The following NRP2 variants were observed in gnomAD, a reference collection of about 807,000 sequenced individuals.
NRP2 encodes neuropilin 2, also known as neuropilin-2.
Under a neutral mutation model 110.4 loss-of-function variants are expected in NRP2, and 52 were observed. The observed-to-expected ratio is 0.47, with a 90% CI of 0.38 to 0.59. NRP2 has a LOEUF of 0.59. Ranked by LOEUF, NRP2 falls within the 20% of genes least tolerant of loss-of-function variation. The pLI, the probability that NRP2 is intolerant of heterozygous loss-of-function variation, is 0.00. For synonymous variants in NRP2, 508 were observed against 468.9 expected (o/e 1.08, Z -1.08); for missense variants, 1,049 against 1,203.0 (o/e 0.87, Z 1.89).
intron 15 of NRP2, among the ~76,000 whole-genome samples, chr2:205,790,124 G>A (rs542229206): frequency 6.6e-6 from 1 of 152,174 alleles, no homozygotes; most frequent in African/African-American, 2.4e-5. Context: ...AGCCACTAAA[G>A]TGTTCTTCTT....
At chr2:205,704,246 C>T (rs2105757861) in intron 2 of NRP2, among the ~76,000 whole-genome samples, 1 of 152,292 alleles carries the variant, frequency 6.6e-6, no homozygotes, top group Admixed American at 6.5e-5. Flanking sequence ...GCCAGATTGC[C>T]CAGTTGGAGG....
intron 9 of NRP2, 138 bp from the exon 10 acceptor site, chr2:205,745,608 C>A: frequency 1.1e-6 from 1 of 895,410 alleles, no homozygotes; most frequent in Non-Finnish European, 1.8e-6. Flanking sequence ...TCAGAATGTC[C>A]CAGTGACCAG....
At chr2:205,765,284 C>T (rs757767231) in intron 13 of NRP2, among the ~76,000 whole-genome samples, 190 bp from the exon 14 acceptor site, 4 of 152,122 alleles carry the variant, frequency 2.6e-5, no homozygotes, top group Non-Finnish European at 5.9e-5. Flanking sequence ...TTTGAACAAA[C>T]TCATTTTGAA....
At chr2:205,762,106 T>G (rs1418343429) in intron 12 of NRP2, 3 of 152,244 alleles carry the variant, frequency 2.0e-5, no homozygotes, top group Non-Finnish European at 4.4e-5. Context: ...CTTTTAGTTA[T>G]CTGTGCTGAT....
At chr2:205,773,964 G>A (rs1281064164) in intron 15 of NRP2, among the ~76,000 whole-genome samples, 1 of 152,100 alleles carries the variant, frequency 6.6e-6, no homozygotes, top group Admixed American at 6.6e-5. Context: ...TTTCTTGATG[G>A]GTGAGCTGCA....
intron 8 of NRP2, among the ~76,000 whole-genome samples, chr2:205,741,129 G>T (rs771320120): frequency 1.3e-5 from 2 of 152,184 alleles, no homozygotes; most frequent in Non-Finnish European, 2.9e-5. Context: ...TGGTGCTGTG[G>T]ACACAAAGGT....
At chr2:205,770,677 A>G (rs535390238) in intron 15 of NRP2, among the ~76,000 whole-genome samples, 4 of 152,206 alleles carry the variant, frequency 2.6e-5, no homozygotes, top group Non-Finnish European at 5.9e-5. Context: ...GCTTTTGCAC[A>G]TAACCGTCTG....
intron 15 of NRP2, among the ~76,000 whole-genome samples, chr2:205,791,156 G>C (rs2058297234): frequency 6.6e-6 from 1 of 152,164 alleles, no homozygotes; most frequent in African/African-American, 2.4e-5. Flanking sequence ...AAGCTTTCGG[G>C]ATGGTCTAAA....
chr2:205,753,355 C>G (rs1026873210), intron 12 of NRP2, among the ~76,000 whole-genome samples: 33 of 152,220 alleles, frequency 2.2e-4, no homozygotes, highest in African/African-American at 8.0e-4. Flanking sequence ...GAGCTGGGTA[C>G]TGTTCCTAAA....
At chr2:205,783,495 G>C (rs2058200333) in intron 15 of NRP2, among the ~76,000 whole-genome samples, 1 of 152,254 alleles carries the variant, frequency 6.6e-6, no homozygotes, top group South Asian at 2.1e-4. Context: ...CCAGCAGCCA[G>C]AGGTAAACCT....
chr2:205,690,579 TACACACACACACACACACACACACAC>T (rs10591632), intron 1 of NRP2, among the ~76,000 whole-genome samples: 5 of 124,278 alleles, frequency 4.0e-5, no homozygotes, highest in South Asian at 3.1e-4. Flanking sequence ...CTGCTAAAAA[TACACACACACACACACACACACACAC>T]ACACACACAC....
In NRP2 at chr2:205,726,014, CA is replaced by C; in HGVS notation, c.925del (p.Ser309AlafsTer28). The C allele has an allele frequency of 6.2e-7, 1 of 1,614,208 alleles. No individual in the cohort carries two copies. Among genetic ancestry groups the C allele is most frequent in the Middle Eastern group, 1.6e-4 (1 of 6,062 alleles). On this transcript the variant is annotated frameshift_variant, in exon 6 of 17. Coordinates refer to ENST00000357785, the MANE Select transcript of NRP2 (RefSeq NM_003872.3). LOFTEE classifies it high-confidence loss of function. ...CTCTGATGGGAGGTGGACCCCTCAA[CA>C]AAGCCGGCTCCATGGTGATGACAAT... ...TYSDGRWTPQQSRLHGDDNGW... is the reference protein window; with the variant it reads ...TYSDGRWTPQXSRLHGDDNGW...
Position 205,765,349 on chromosome 2 carries a change from AACACAC to A in NRP2, c.2308-111_2308-106del, listed in dbSNP as rs35659576. On this transcript the variant is annotated intron_variant, in intron 13 of 16. Transcript: ENST00000357785. The stretch of plus-strand genomic sequence containing the variant: ...TCAACAGATGTGTACCAGGTGCAAT[AACACAC>A]ACACACACACACATACACACACACG... 8.3e-6 allele frequency: 6 copies of A among 723,938 alleles called. No individual in the cohort carries two copies. The Admixed American group carries it at 1.1e-4, about 14-fold the overall frequency. The allele number at this position is 723,938 out of a possible 1,614,324, so 44.8% of individuals were successfully genotyped here. A position where few individuals can be genotyped will look rare whatever the true frequency, so the allele number is the denominator to read the frequency against.
At chr2:205,778,659 T>G (rs1205010442) in intron 15 of NRP2, 3 of 152,170 alleles carry the variant, frequency 2.0e-5, no homozygotes, top group Non-Finnish European at 4.4e-5. Flanking sequence ...ATTGAGAAAT[T>G]ATGTCTGGAA....
intron 11 of NRP2, among the ~76,000 whole-genome samples, chr2:205,751,784 C>T (rs2057650641): frequency 6.6e-6 from 1 of 152,188 alleles, no homozygotes; most frequent in Non-Finnish European, 1.5e-5. Flanking sequence ...AAATTCCTCT[C>T]TAAGAACCCT....
chr2:205,704,615 G>GA (rs1414112296), intron 2 of NRP2, among the ~76,000 whole-genome samples: 1 of 152,150 alleles, frequency 6.6e-6, no homozygotes. Flanking sequence ...GGATCAGGGG[G>GA]AAAAACAACT....
chr2:205,757,525 T>C (rs2057753273), intron 12 of NRP2, among the ~76,000 whole-genome samples: 1 of 152,206 alleles, frequency 6.6e-6, no homozygotes, highest in African/African-American at 2.4e-5. Context: ...GTGAATTTAC[T>C]CATAATGGGC....
intron 15 of NRP2, among the ~76,000 whole-genome samples, chr2:205,789,977 C>T (rs995744036): frequency 6.6e-6 from 1 of 152,154 alleles, no homozygotes; most frequent in African/African-American, 2.4e-5. Context: ...TTTGTGTTTT[C>T]CCCAGTGTGC....
At chr2:205,723,558 G>A in intron 4 of NRP2, among the ~76,000 whole-genome samples, 1 of 152,222 alleles carries the variant, frequency 6.6e-6, no homozygotes, top group East Asian at 1.9e-4. Context: ...AGAACAGAAT[G>A]AAGCCAGTGA....
Sources: allele counts gnomAD v4.1 joint callset (sites outside exome capture counted in the v4.1 genomes callset), GRCh38; gene constraint gnomAD v4.1.1; transcripts MANE v1.5; gene names NCBI Gene and HGNC (gene_info 2026-07-23, HGNC 2026-07-21).